The following SLC22A23 variants were observed in gnomAD, a reference collection of about 807,000 sequenced individuals.
SLC22A23 encodes solute carrier family 22 member 23, also known as ion transporter protein.
Under a neutral mutation model 61.0 loss-of-function variants are expected in SLC22A23, and 26 were observed. That is an observed-to-expected ratio of 0.43 (90% CI 0.31 to 0.59). The LOEUF is 0.59. Among genes scored for constraint, SLC22A23 ranks in the 20% least tolerant of loss-of-function variants. The pLI is 0.11. For missense variants in SLC22A23, 796 were observed against 934.7 expected (o/e 0.85, Z 1.94); for synonymous variants, 430 against 413.9 (o/e 1.04, Z -0.47).
At chr6:3,353,856 C>G (rs1421129891) in intron 3 of SLC22A23, among the ~76,000 whole-genome samples, 1 of 152,192 alleles carries the variant, frequency 6.6e-6, no homozygotes, top group East Asian at 1.9e-4. Context: ...TCCCAGGACC[C>G]CAGTTCTGGC....
chr6:3,416,808 G>C (rs1036373639), intron 1 of SLC22A23, among the ~76,000 whole-genome samples: 4 of 152,252 alleles, frequency 2.6e-5, no homozygotes, highest in Admixed American at 6.5e-5. Context: ...GTGGAGACGG[G>C]GGTGGGGTGG....
intron 3 of SLC22A23, among the ~76,000 whole-genome samples, chr6:3,343,473 G>GCACGCA (rs1764261785): frequency 6.7e-6 from 1 of 149,964 alleles, no homozygotes; most frequent in South Asian, 2.1e-4. Flanking sequence ...ACACACACAC[G>GCACGCA]CACACACACA....
At chr6:3,289,888 G>C in intron 5 of SLC22A23, 22 bp from the exon 6 acceptor site, 4 of 1,608,444 alleles carry the variant, frequency 2.5e-6, no homozygotes, top group Non-Finnish European at 3.4e-6. Context: ...CAGACCCTGT[G>C]AGCCCTGGGC....
At chr6:3,349,100 C>G (rs1764613105) in intron 3 of SLC22A23, among the ~76,000 whole-genome samples, 1 of 152,232 alleles carries the variant, frequency 6.6e-6, no homozygotes, top group African/African-American at 2.4e-5. Flanking sequence ...TCAAGGACAG[C>G]TGCCTTTTCT....
At chr6:3,445,260 G>C (rs564370803) in intron 1 of SLC22A23, among the ~76,000 whole-genome samples, 1 of 151,836 alleles carries the variant, frequency 6.6e-6, no homozygotes, top group Non-Finnish European at 1.5e-5. Context: ...GTGCAATGGC[G>C]CCATCTTGGC....
chr6:3,385,347 T>C (rs1767229371), intron 3 of SLC22A23, among the ~76,000 whole-genome samples: 2 of 152,072 alleles, frequency 1.3e-5, no homozygotes, highest in South Asian at 2.1e-4. Flanking sequence ...ATCCTGTCTC[T>C]ACTAAAAATA....
Position 3,324,787 on chromosome 6 carries a change from C to A in SLC22A23, c.914-785G>T, listed in dbSNP as rs1763181403. Among the ~76,000 whole-genome samples the A allele has an allele frequency of 6.6e-6, 1 of 152,192 alleles. No individual in the cohort carries two copies. Among genetic ancestry groups the A allele is most frequent in the Admixed American group, 6.5e-5 (1 of 15,284 alleles). On this transcript the variant is annotated intron_variant, in intron 3 of 9. Transcript: ENST00000406686. The surrounding 1 kb of genome is among the most constrained non-coding windows in gnomAD (Gnocchi z 4.3). Reference sequence around the variant, plus strand: ...TAATTCATCTTTGTAGCTCCAAAACCAAAAACAGTGTCTATTTTCAACAAA... The same window carrying A: ...TAATTCATCTTTGTAGCTCCAAAACAAAAAACAGTGTCTATTTTCAACAAA...
At chr6:3,321,617 A>T (rs940077898) in intron 4 of SLC22A23, among the ~76,000 whole-genome samples, 1 of 151,878 alleles carries the variant, frequency 6.6e-6, no homozygotes, top group Admixed American at 6.5e-5. Flanking sequence ...CCCTTCTCAC[A>T]TGGGTCAGCC....
intron 1 of SLC22A23, among the ~76,000 whole-genome samples, chr6:3,417,834 G>GCTGCT (rs1371590021): frequency 6.6e-6 from 1 of 152,240 alleles, no homozygotes; most frequent in African/African-American, 2.4e-5. Flanking sequence ...ACTGGCTGCT[G>GCTGCT]CTGCTCTGCT....
At chr6:3,295,338 G>T (rs972515422) in intron 5 of SLC22A23, among the ~76,000 whole-genome samples, 1 of 152,228 alleles carries the variant, frequency 6.6e-6, no homozygotes, top group Non-Finnish European at 1.5e-5. Flanking sequence ...GTGTGCACCG[G>T]GAGGGACCTG....
At position 3,410,367 on chromosome 6, in the gene SLC22A23, AG is replaced by A. The variant is rs1769136426; in HGVS notation, c.759-26del. 2 of 1,559,336 alleles carry A rather than the reference AG, an allele frequency of 1.3e-6. No individual in the cohort carries two copies. Among genetic ancestry groups the A allele is most frequent in the Admixed American group, 3.9e-5 (2 of 50,748 alleles). On this transcript the variant is annotated intron_variant, in intron 2 of 9. Transcript: ENST00000406686. This position sits in a 1 kb window ranked among gnomAD's most constrained non-coding sequence, Gnocchi z 5.0. ...CCTGCATATGGAGAGGGAAAAAGTT[AG>A]GAATCATTGTGAAACAAGACAATGA...
intron 3 of SLC22A23, among the ~76,000 whole-genome samples, chr6:3,348,506 TG>T (rs1439815021): frequency 6.6e-6 from 1 of 152,256 alleles, no homozygotes; most frequent in East Asian, 1.9e-4. Flanking sequence ...GAGTCCCATC[TG>T]CACCTAAGTG....
At chr6:3,432,786 T>TA (rs1413997558) in intron 1 of SLC22A23, among the ~76,000 whole-genome samples, 1 of 152,220 alleles carries the variant, frequency 6.6e-6, no homozygotes, top group Non-Finnish European at 1.5e-5. Flanking sequence ...AATGCCCACC[T>TA]ACAGTTCGTT....
intron 1 of SLC22A23, among the ~76,000 whole-genome samples, chr6:3,426,922 G>A (rs1770531951): frequency 6.6e-6 from 1 of 152,216 alleles, no homozygotes; most frequent in Non-Finnish European, 1.5e-5. Flanking sequence ...TGTCTTCATT[G>A]GGTTGGACTC....
intron 3 of SLC22A23, among the ~76,000 whole-genome samples, chr6:3,332,334 A>G (rs1343024949): frequency 6.6e-6 from 1 of 152,204 alleles, no homozygotes; most frequent in East Asian, 1.9e-4. Flanking sequence ...TCACAGCATC[A>G]CTACTGTGTG....
Position 3,307,251 on chromosome 6 carries a change from C to T in SLC22A23, c.1083-9033G>A, listed in dbSNP as rs1762044828. 2.6e-5 allele frequency among the ~76,000 whole-genome samples: 4 copies of T among 152,342 alleles called. No homozygotes were observed. In the Middle Eastern group the frequency reaches 0.01, roughly 389 times the overall value. The stretch of plus-strand genomic sequence containing the variant: ...CCGGGTCTCAGTTCATCTCGACGCT[C>T]TGACCCCCCACATTCCAGCAGAACT... On this transcript the variant is annotated intron_variant, in intron 4 of 9. Transcript: ENST00000406686.
At chr6:3,436,572 C>A (rs559256799) in intron 1 of SLC22A23, among the ~76,000 whole-genome samples, 1 of 152,172 alleles carries the variant, frequency 6.6e-6, no homozygotes, top group South Asian at 2.1e-4. Flanking sequence ...TGTCTTCTCC[C>A]GCTCCTTCCC....
chr6:3,316,200 C>A (rs1762629372), intron 4 of SLC22A23, among the ~76,000 whole-genome samples: 1 of 152,230 alleles, frequency 6.6e-6, no homozygotes, highest in African/African-American at 2.4e-5. Flanking sequence ...GCTTTTCCCA[C>A]ATTTGTGAGT....
chr6:3,425,096 ATAATT>A (rs775331329), intron 1 of SLC22A23, among the ~76,000 whole-genome samples: 5 of 152,206 alleles, frequency 3.3e-5, no homozygotes, highest in South Asian at 4.1e-4. Context: ...TTTTTCAAGT[ATAATT>A]TAATTTAAAT....
Sources: allele counts gnomAD v4.1 joint callset (sites outside exome capture counted in the v4.1 genomes callset), GRCh38; gene constraint gnomAD v4.1.1; non-coding constraint Gnocchi (gnomAD v3.1); transcripts MANE v1.5; gene names NCBI Gene and HGNC (gene_info 2026-07-23, HGNC 2026-07-21).